ROPN1: variants seen among roughly 807,000 people sequenced by gnomAD.
ROPN1 encodes rhophilin associated tail protein 1.
Under a neutral mutation model 20.5 loss-of-function variants are expected in ROPN1, and 14 were observed. The ratio of observed to expected loss-of-function variants is 0.68; its 90% CI spans 0.45 to 1.07. The LOEUF (loss-of-function observed/expected upper bound fraction) is 1.07, where lower values mean the gene tolerates loss of function less well. Among genes scored for constraint, ROPN1 ranks in the 50% least tolerant of loss-of-function variants. The pLI, the probability that ROPN1 is intolerant of heterozygous loss-of-function variation, is 0.00. For synonymous variants in ROPN1, 76 were observed against 95.7 expected (o/e 0.79, Z 1.20); for missense variants, 169 against 242.8 (o/e 0.70, Z 2.02).
chr3:123,985,800 A>G (rs2038237805), intron 1 of ROPN1, among the ~76,000 whole-genome samples: 1 of 151,852 alleles, frequency 6.6e-6, no homozygotes, highest in South Asian at 2.1e-4. Flanking sequence ...GGATCACTTG[A>G]GCTCAGTTCA....
chr3:123,972,640 G>A (rs1156870830), intron 4 of ROPN1, among the ~76,000 whole-genome samples: 5 of 152,176 alleles, frequency 3.3e-5, no homozygotes, highest in Admixed American at 2.6e-4. Flanking sequence ...TAGACGCAGA[G>A]AGCTCAAGAT....
At chr3:123,986,094 A>G (rs1200524350) in intron 1 of ROPN1, among the ~76,000 whole-genome samples, 1 of 150,660 alleles carries the variant, frequency 6.6e-6, no homozygotes, top group Non-Finnish European at 1.5e-5. Flanking sequence ...TTACTAAATT[A>G]AATAATGTTT....
rs769248722 is a variant in ROPN1 at position 123,980,366 on chromosome 3, T to C, written c.116A>G (p.Asp39Gly). The C allele has an allele frequency of 1.9e-6, 3 of 1,614,088 alleles. No individual in the cohort carries two copies. Among genetic ancestry groups the C allele is most frequent in the African/African-American group, 2.7e-5 (2 of 74,932 alleles). Residue 39 changes from aspartate (D) to glycine (G), a missense_variant and splice_region_variant, in exon 2 of 6, where the codon GAT becomes GGT. Physicochemically the swap from Asp to Gly is moderately conservative, Grantham distance 94. This residue lies in a region of ROPN1 where 84 missense variants were observed against 99.3 expected (regional missense o/e 0.85). Transcript: ENST00000405845. ...QPQDLIQWAA[D>G]YFEALSRGET... The stretch of plus-strand genomic sequence containing the variant: ...GTGAAGGCGAGAAAGGAGCACGTAC[T>C]CGGCTGCCCACTGGATGAGGTCCTG...
chr3:123,973,472 C>T (rs1360595221), intron 4 of ROPN1, among the ~76,000 whole-genome samples: 3 of 152,052 alleles, frequency 2.0e-5, no homozygotes, highest in Non-Finnish European at 2.9e-5. Context: ...GGTAGATGAA[C>T]CTCATGGAAT....
intron 1 of ROPN1, among the ~76,000 whole-genome samples, chr3:123,983,675 T>C (rs995234694): frequency 2.0e-5 from 3 of 152,198 alleles, no homozygotes; most frequent in African/African-American, 7.2e-5. Flanking sequence ...TTTAACCTCT[T>C]GCAGTTTTTT....
At chr3:123,984,837 T>G (rs2038218655) in intron 1 of ROPN1, among the ~76,000 whole-genome samples, 1 of 152,234 alleles carries the variant, frequency 6.6e-6, no homozygotes, top group Non-Finnish European at 1.5e-5. Flanking sequence ...CCCCTCAGTA[T>G]TTTGCTAATT....
Position 123,969,215 on chromosome 3 carries a change from G to A in ROPN1, c.579C>T (p.Gly193=), listed in dbSNP as rs1375707254. The change falls in exon 6 of 6, where the codon GGC becomes GGT. Residue 193 remains glycine, a synonymous_variant. Coordinates refer to ENST00000405845, the MANE Select transcript of ROPN1 (RefSeq NM_001317774.2). Reference sequence around the variant, plus strand: ...CATTCACTGTGATTATACCATCAGGGCCAATTCTGTTTGGAAAAAGGTATA... The same window carrying A: ...CATTCACTGTGATTATACCATCAGGACCAATTCTGTTTGGAAAAAGGTATA... The part of the protein sequence containing the change: ...MLNYMEQEVI[G]PDGIITVNDF... 4 of 1,613,266 alleles carry A rather than the reference G, an allele frequency of 2.5e-6. No individual in the cohort carries two copies. In the African/African-American group the frequency reaches 4.0e-5, roughly 16 times the overall value.
At chr3:123,977,932 T>A (rs753814267) in intron 2 of ROPN1, among the ~76,000 whole-genome samples, 10 of 152,142 alleles carry the variant, frequency 6.6e-5, no homozygotes, top group Non-Finnish European at 1.2e-4. Flanking sequence ...GGGTCACCAA[T>A]GCAGCATGGC....
chr3:123,975,845 T>A, intron 3 of ROPN1: 1 of 371,270 alleles, frequency 2.7e-6, no homozygotes, highest in Non-Finnish European at 5.2e-6. Flanking sequence ...TCCTAAATTG[T>A]TTTATTCCTT....
chr3:123,980,968 C>T (rs1423974053), intron 1 of ROPN1, among the ~76,000 whole-genome samples: 1 of 152,152 alleles, frequency 6.6e-6, no homozygotes, highest in Non-Finnish European at 1.5e-5. Context: ...TGACATTAGG[C>T]CATTTCCACA....
chr3:123,985,978 GC>G (rs1214118452), intron 1 of ROPN1, among the ~76,000 whole-genome samples: 9 of 75,374 alleles, frequency 1.2e-4, no homozygotes, highest in African/African-American at 4.8e-4. Context: ...GGGTGACAGA[GC>G]AAGACCTTGT....
intron 5 of ROPN1, 39 bp downstream of exon 5, chr3:123,970,003 T>C: frequency 6.2e-7 from 1 of 1,600,736 alleles, no homozygotes. Context: ...TTTCTTTTCC[T>C]GGTATTCTTT....
rs1051832215 is a variant in ROPN1 at position 123,972,062 on chromosome 3, A to G, written c.397-1845T>C. The stretch of plus-strand genomic sequence containing the variant: ...AGGAGAAATGCCTCAGAAGAAAGCA[A>G]TCCTGCTGACAGCTTGTTCCCAGAA... On this transcript the variant is annotated intron_variant, in intron 4 of 5. Coordinates refer to ENST00000405845, the MANE Select transcript of ROPN1 (RefSeq NM_001317774.2). Among the ~76,000 whole-genome samples the G allele has an allele frequency of 4.6e-5, 7 of 152,180 alleles. No individual in the cohort carries two copies. The East Asian group carries it at 7.7e-4, about 17-fold the overall frequency.
intron 2 of ROPN1, chr3:123,979,795 TAAC>T (rs2038100018): frequency 2.9e-6 from 1 of 348,334 alleles, no homozygotes; most frequent in African/African-American, 2.2e-5. Context: ...CTAAAGAAAA[TAAC>T]AATAATTTCC....
chr3:123,984,183 G>A (rs1430962205), intron 1 of ROPN1, among the ~76,000 whole-genome samples: 5 of 151,978 alleles, frequency 3.3e-5, no homozygotes, highest in Admixed American at 2.0e-4. Flanking sequence ...GCCTCTTCAC[G>A]GCTTTATCTA....
At chr3:123,985,087 T>C (rs1191029937) in intron 1 of ROPN1, among the ~76,000 whole-genome samples, 1 of 152,256 alleles carries the variant, frequency 6.6e-6, no homozygotes, top group East Asian at 1.9e-4. Context: ...TTGATGGTTG[T>C]AAACTTTTTA....
chr3:123,989,940 A>T (rs1035684974), intron 1 of ROPN1, among the ~76,000 whole-genome samples: 4 of 152,078 alleles, frequency 2.6e-5, no homozygotes, highest in African/African-American at 9.7e-5. Context: ...TATATTTTAG[A>T]TCTCTCCTGA....
At chr3:123,969,930 C>T in intron 5 of ROPN1, 112 bp downstream of exon 5, 2 of 1,042,388 alleles carry the variant, frequency 1.9e-6, no homozygotes, top group Admixed American at 2.7e-5. Context: ...TCATGTTTCT[C>T]ACAATACTTT....
At chr3:123,983,262 A>G (rs1478137809) in intron 1 of ROPN1, among the ~76,000 whole-genome samples, 2 of 152,308 alleles carry the variant, frequency 1.3e-5, no homozygotes, top group Non-Finnish European at 2.9e-5. Context: ...CCTTGCTTTA[A>G]ATTGTGTTGG....
Sources: allele counts gnomAD v4.1 joint callset (sites outside exome capture counted in the v4.1 genomes callset), GRCh38; gene constraint gnomAD v4.1.1; regional missense constraint gnomAD v4.1.1; transcripts MANE v1.5; gene names NCBI Gene and HGNC (gene_info 2026-07-23, HGNC 2026-07-21).